Variants in PCDH9 observed in about 807,000 individuals in gnomAD.
The protein encoded by PCDH9 is protocadherin 9, also known as protocadherin-9.
PCDH9 carries 24 observed loss-of-function variants against 70.6 expected under a neutral mutation model. That is an observed-to-expected ratio of 0.34 (90% CI 0.25 to 0.48). The LOEUF is 0.48. Among genes scored for constraint, PCDH9 ranks in the 20% least tolerant of loss-of-function variants. The probability of loss-of-function intolerance (pLI) is 0.99; values close to 1 mark genes in which losing one functional copy is unlikely to be tolerated. For missense variants in PCDH9, 1,281 were observed against 1,503.6 expected (o/e 0.85, Z 2.45); for synonymous variants, 562 against 558.5 (o/e 1.01, Z -0.09).
chr13:66,330,917 C>T (rs1212116163), intron 4 of PCDH9, among the ~76,000 whole-genome samples: 1 of 152,142 alleles, frequency 6.6e-6, no homozygotes, highest in Non-Finnish European at 1.5e-5. Context: ...TCACATCTGA[C>T]AGGCTATGAA....
At chr13:66,426,636 TA>T (rs35990749) in intron 4 of PCDH9, among the ~76,000 whole-genome samples, 69 of 151,660 alleles carry the variant, frequency 4.5e-4, no homozygotes, top group Admixed American at 2.6e-3. Flanking sequence ...TGGTAGCAGC[TA>T]AAAAAACTTT....
chr13:67,155,263 T>C (rs1326395629), intron 2 of PCDH9, among the ~76,000 whole-genome samples: 1 of 152,222 alleles, frequency 6.6e-6, no homozygotes, highest in Non-Finnish European at 1.5e-5. Context: ...TTCAGGTTTT[T>C]CAGAGATATT....
In PCDH9 at chr13:66,441,379, A is replaced by G. The variant is rs186443302; in HGVS notation, c.3341-136351T>C. 2.0e-4 allele frequency among the ~76,000 whole-genome samples: 31 copies of G among 152,250 alleles called. 1 individual carries two copies. The highest frequency in any genetic ancestry group is 6.3e-4 in the African/African-American group (26 of 41,558). On this transcript the variant is annotated intron_variant, in intron 4 of 4. Transcript: ENST00000377865. ...GATCTGTCCTTGGTTTTAATTTGTAATTTTTCTATGTCTTGAAGGAGGGAA... is the reference window on the plus strand; with the variant it reads ...GATCTGTCCTTGGTTTTAATTTGTAGTTTTTCTATGTCTTGAAGGAGGGAA...
chr13:66,544,597 C>A (rs1689743494), intron 4 of PCDH9, among the ~76,000 whole-genome samples: 1 of 152,094 alleles, frequency 6.6e-6, no homozygotes, highest in Non-Finnish European at 1.5e-5. Context: ...AGTTAGCTAC[C>A]TATGGGCAGT....
At chr13:67,145,440 C>A (rs1342026699) in intron 2 of PCDH9, among the ~76,000 whole-genome samples, 1 of 151,748 alleles carries the variant, frequency 6.6e-6, no homozygotes, top group Non-Finnish European at 1.5e-5. Context: ...CATTTAGTAC[C>A]ACAGAAGCTC....
At chr13:66,508,512 C>T (rs893841653) in intron 4 of PCDH9, among the ~76,000 whole-genome samples, 5 of 152,152 alleles carry the variant, frequency 3.3e-5, no homozygotes, top group African/African-American at 1.2e-4. Flanking sequence ...CACTAGTAAT[C>T]ATAATACCAA....
At chr13:67,180,049 T>G (rs9317646) in intron 2 of PCDH9, among the ~76,000 whole-genome samples, 7,901 of 152,168 alleles carry the variant, frequency 0.052, 304 homozygotes, top group Non-Finnish European at 0.074. Context: ...AATCACCAAA[T>G]GACCAGTAGA....
chr13:67,205,344 T>C (rs1426125142), intron 2 of PCDH9: 1 of 152,200 alleles, frequency 6.6e-6, no homozygotes, highest in African/African-American at 2.4e-5. Flanking sequence ...ACATGTTGAA[T>C]ACTGCTTTTT....
chr13:66,555,910 A>G (rs759712187), intron 4 of PCDH9, among the ~76,000 whole-genome samples: 23 of 148,232 alleles, frequency 1.6e-4, no homozygotes, highest in Admixed American at 6.8e-5. Context: ...TATAAGATAT[A>G]TACATATTAT....
intron 2 of PCDH9, among the ~76,000 whole-genome samples, chr13:66,988,009 C>G (rs1455932248): frequency 6.6e-6 from 1 of 151,844 alleles, no homozygotes; most frequent in Non-Finnish European, 1.5e-5. Context: ...AAGTGATCCT[C>G]CTGCCTCAGC....
intron 2 of PCDH9, among the ~76,000 whole-genome samples, chr13:66,954,223 C>A (rs1035871381): frequency 2.0e-5 from 3 of 152,140 alleles, no homozygotes; most frequent in African/African-American, 7.2e-5. Flanking sequence ...ATAATGCTCT[C>A]TCTTTATATA....
At chr13:66,429,955 G>A (rs1957741862) in intron 4 of PCDH9, among the ~76,000 whole-genome samples, 3 of 152,026 alleles carry the variant, frequency 2.0e-5, no homozygotes, top group Admixed American at 1.3e-4. Context: ...CATAAGGTAT[G>A]TATATCAGGG....
At chr13:66,490,211 A>G (rs550958211) in intron 4 of PCDH9, among the ~76,000 whole-genome samples, 1 of 152,288 alleles carries the variant, frequency 6.6e-6, no homozygotes, top group South Asian at 2.1e-4. Context: ...TCATAATTAG[A>G]GATAGAAATA....
At chr13:66,395,288 T>C (rs906989248) in intron 4 of PCDH9, among the ~76,000 whole-genome samples, 3 of 152,144 alleles carry the variant, frequency 2.0e-5, no homozygotes, top group Non-Finnish European at 4.4e-5. Context: ...AGAGTGACTT[T>C]ATAACAAAGT....
In PCDH9 at chr13:66,304,424, T is replaced by C. The variant is rs1370123534; in HGVS notation, c.*231A>G. 3 of 451,312 alleles carry C rather than the reference T, an allele frequency of 6.6e-6. No homozygotes were observed. The highest frequency in any genetic ancestry group is 7.9e-6 in the Non-Finnish European group (2 of 254,456). The allele number at this position is 451,312 out of a possible 1,614,324, so 28.0% of individuals were successfully genotyped here. On this transcript the variant is annotated 3_prime_UTR_variant, in exon 5 of 5. Coordinates refer to ENST00000377865, the MANE Select transcript of PCDH9 (RefSeq NM_203487.3). ...GCAATAATAAAAAAAATTTGCACAA[T>C]GGAGAGATCTCTGGAGAGTGTAATC...
chr13:66,364,023 C>A (rs1956513956), intron 4 of PCDH9, among the ~76,000 whole-genome samples: 2 of 151,988 alleles, frequency 1.3e-5, no homozygotes, highest in South Asian at 4.1e-4. Context: ...GGTATGTTGG[C>A]AGGCACCTGT....
intron 3 of PCDH9, among the ~76,000 whole-genome samples, chr13:66,772,553 A>G (rs1168663588): frequency 6.6e-6 from 1 of 152,136 alleles, no homozygotes; most frequent in Non-Finnish European, 1.5e-5. Flanking sequence ...TTAATCAAAC[A>G]TTATTTGTAT....
At chr13:67,094,076 C>T (rs560300697) in intron 2 of PCDH9, among the ~76,000 whole-genome samples, 1 of 152,046 alleles carries the variant, frequency 6.6e-6, no homozygotes, top group Non-Finnish European at 1.5e-5. Context: ...CTGTGGCTAG[C>T]GTATTAAGTC....
At chr13:66,689,154 A>C (rs2078447160) in intron 3 of PCDH9, among the ~76,000 whole-genome samples, 1 of 152,126 alleles carries the variant, frequency 6.6e-6, no homozygotes, top group Admixed American at 6.6e-5. Flanking sequence ...ATTGAGCCTT[A>C]ATTTTAATGT....
Sources: gnomAD v4.1 joint callset for allele counts (sites outside exome capture counted in the v4.1 genomes callset) on GRCh38, gnomAD v4.1.1 for gene constraint, MANE v1.5 for transcripts, NCBI Gene and HGNC (gene_info 2026-07-23, HGNC 2026-07-21) for gene names.